QRICH1: variants seen among roughly 807,000 people sequenced by gnomAD.
QRICH1 encodes transcriptional regulator QRICH1.
QRICH1 carries 16 observed loss-of-function variants against 87.1 expected under a neutral mutation model. The observed-to-expected ratio is 0.18, with a 90% confidence interval of 0.12 to 0.28. The LOEUF (loss-of-function observed/expected upper bound fraction) is 0.28. Among genes scored for constraint, QRICH1 ranks in the 10% least tolerant of loss-of-function variants. The probability of loss-of-function intolerance (pLI) is 1.00; values close to 1 mark genes in which losing one functional copy is unlikely to be tolerated. For synonymous variants in QRICH1, 367 were observed against 368.4 expected (o/e 1.00, Z 0.05); for missense variants, 647 against 951.7 (o/e 0.68, Z 4.21).
intron 3 of QRICH1, among the ~76,000 whole-genome samples, chr3:49,053,483 T>C (rs1575343805): frequency 2.8e-5 from 2 of 70,630 alleles, no homozygotes; most frequent in East Asian, 1.1e-3. Context: ...AGACCCCCTG[T>C]CTCAAAAAAA....
At chr3:49,065,684 C>T (rs867939007) in intron 2 of QRICH1, among the ~76,000 whole-genome samples, 3 of 140,466 alleles carry the variant, frequency 2.1e-5, no homozygotes, top group East Asian at 2.1e-4. Flanking sequence ...GAGTCTCTCT[C>T]TTTTTTTTTT....
intron 1 of QRICH1, chr3:49,087,100 CA>C (rs2042179561): frequency 6.6e-6 from 1 of 151,908 alleles, no homozygotes; most frequent in African/African-American, 2.4e-5. Flanking sequence ...CTACCAAAAA[CA>C]CAAAAATTAG....
chr3:49,077,610 C>T (rs2041974669), intron 1 of QRICH1, among the ~76,000 whole-genome samples: 1 of 152,172 alleles, frequency 6.6e-6, no homozygotes, highest in Admixed American at 6.5e-5. Flanking sequence ...CAGCTTACTA[C>T]TGGTTAAAAG....
intron 1 of QRICH1, chr3:49,083,531 C>T (rs1290486601): frequency 6.6e-6 from 1 of 152,056 alleles, no homozygotes; most frequent in Non-Finnish European, 1.5e-5. Context: ...GATCCCATCT[C>T]TTAGAAATAA....
intron 1 of QRICH1, chr3:49,093,247 C>T (rs2042312805): frequency 6.6e-6 from 1 of 152,192 alleles, no homozygotes; most frequent in Non-Finnish European, 1.5e-5. Flanking sequence ...CAAGCACCCG[C>T]ACCGTACTTG....
intron 9 of QRICH1, 81 bp downstream of exon 9, chr3:49,032,102 A>G (rs2093244249): frequency 2.6e-6 from 3 of 1,161,400 alleles, no homozygotes; most frequent in East Asian, 2.4e-5. Flanking sequence ...CTCCCCTATG[A>G]TAAGTGATCA....
chr3:49,067,560 T>A (rs1190924380), intron 2 of QRICH1, among the ~76,000 whole-genome samples: 2 of 151,170 alleles, frequency 1.3e-5, no homozygotes, highest in Non-Finnish European at 2.9e-5. Flanking sequence ...AGAGCAAAAC[T>A]CTGTCTCGAA....
At chr3:49,091,057 C>T (rs2042266638) in intron 1 of QRICH1, among the ~76,000 whole-genome samples, 1 of 151,918 alleles carries the variant, frequency 6.6e-6, no homozygotes, top group African/African-American at 2.4e-5. Context: ...CCCGTTTCTA[C>T]TAAAAAATAC....
intron 1 of QRICH1, among the ~76,000 whole-genome samples, chr3:49,078,028 G>T (rs2041985246): frequency 6.6e-6 from 1 of 152,152 alleles, no homozygotes; most frequent in African/African-American, 2.4e-5. Flanking sequence ...TGCTACCTTT[G>T]TACCATCCTC....
intron 1 of QRICH1, chr3:49,083,442 C>A (rs557175132): frequency 6.6e-6 from 1 of 151,988 alleles, no homozygotes; most frequent in Non-Finnish European, 1.5e-5. Flanking sequence ...GGAAATGGGG[C>A]AGGTCAAAAC....
chr3:49,032,270 G>C lies in QRICH1; in HGVS notation c.2051C>G (p.Thr684Arg). ...CGTCTGTTCTGCATACATGTCATCT[G>C]TAACTATAAAACACACATCCCCACC... ...LGIHQTGQKV[T>R]DDMYAEQTEN... is the part of the protein sequence containing the mutation. The change falls in exon 9 of 10, where the codon ACA (threonine) becomes AGA (arginine). Residue 684 changes from threonine (T) to arginine (R), a missense_variant. Coordinates refer to ENST00000395443, the MANE Select transcript of QRICH1 (RefSeq NM_198880.3). 10 of 1,602,000 alleles carry C rather than the reference G, an allele frequency of 6.2e-6. No individual in the cohort carries two copies. Among genetic ancestry groups the C allele is most frequent in the Non-Finnish European group, 7.7e-6 (9 of 1,171,872 alleles).
chr3:49,086,587 G>A (rs1310460847), intron 1 of QRICH1, among the ~76,000 whole-genome samples: 1 of 152,102 alleles, frequency 6.6e-6, no homozygotes, highest in Non-Finnish European at 1.5e-5. Flanking sequence ...CATAGTGCCT[G>A]ATGCACAGCA....
At chr3:49,052,969 A>G (rs1379233686) in intron 3 of QRICH1, among the ~76,000 whole-genome samples, 3 of 152,226 alleles carry the variant, frequency 2.0e-5, no homozygotes, top group Admixed American at 6.5e-5. Context: ...AGATAGTATC[A>G]GTGATTATCA....
At chr3:49,076,581 A>G in intron 2 of QRICH1, 128 bp downstream of exon 2, 3 of 999,668 alleles carry the variant, frequency 3.0e-6, no homozygotes, top group Non-Finnish European at 4.1e-6. Context: ...TTTAGTCCAC[A>G]TTAACTTTGA....
At chr3:49,074,244 C>T (rs1393598668) in intron 2 of QRICH1, among the ~76,000 whole-genome samples, 3 of 152,136 alleles carry the variant, frequency 2.0e-5, no homozygotes, top group African/African-American at 7.2e-5. Context: ...ACCAGCCCTC[C>T]TGTGTTCTGT....
At chr3:49,040,457 G>T (rs1229220253) in intron 6 of QRICH1, among the ~76,000 whole-genome samples, 1 of 151,746 alleles carries the variant, frequency 6.6e-6, no homozygotes, top group Non-Finnish European at 1.5e-5. Context: ...AAAAAGGAGG[G>T]GAAAAAAAAA....
chr3:49,074,750 A>T (rs1407502554), intron 2 of QRICH1, among the ~76,000 whole-genome samples: 1 of 150,478 alleles, frequency 6.6e-6, no homozygotes, highest in Non-Finnish European at 1.5e-5. Flanking sequence ...AGGCCGAGGC[A>T]GGTGGATCAC....
chr3:49,056,709 G>A (rs748818812), intron 3 of QRICH1, 153 bp downstream of exon 3: 16 of 1,302,166 alleles, frequency 1.2e-5, no homozygotes, highest in Admixed American at 2.1e-5. Context: ...ATAGCCTCAC[G>A]TGATGTTTCT....
Position 49,057,341 on chromosome 3 carries a change from G to C in QRICH1, c.859C>G (p.Leu287Val). The change falls in exon 3 of 10, where the codon CTG becomes GTG. Residue 287 changes from leucine to valine, a missense_variant. Physicochemically the swap from Leu to Val is conservative, Grantham distance 32 (BLOSUM62 1). Coordinates refer to ENST00000395443, the MANE Select transcript of QRICH1 (RefSeq NM_198880.3). This position sits in a 1 kb window ranked among gnomAD's most constrained non-coding sequence, Gnocchi z 5.4. The stretch of plus-strand genomic sequence containing the variant: ...TACAGGTGGGCACTGTCTACTGTCA[G>C]TAAGTCTGGCCTCAAAGACACATAA... ...QSYVSLRPDL[L>V]TVDSAHLYSA... The C allele has an allele frequency of 6.2e-7, 1 of 1,614,234 alleles. No individual in the cohort carries two copies. Among genetic ancestry groups the C allele is most frequent in the South Asian group, 1.1e-5 (1 of 91,088 alleles).
Sources: gnomAD v4.1 joint callset for allele counts (sites outside exome capture counted in the v4.1 genomes callset) on GRCh38, gnomAD v4.1.1 for gene constraint, Gnocchi (gnomAD v3.1) non-coding constraint, MANE v1.5 for transcripts, NCBI Gene and HGNC (gene_info 2026-07-23, HGNC 2026-07-21) for gene names.